The following LRRC7 variants were observed in gnomAD, a reference collection of about 807,000 sequenced individuals.
The protein encoded by LRRC7 is leucine rich repeat containing 7.
A neutral mutation model predicts 175.7 loss-of-function variants in LRRC7; 23 were observed. The ratio of observed to expected loss-of-function variants is 0.13; its 90% confidence interval spans 0.09 to 0.19. The LOEUF is 0.19. LRRC7 is among the 10% of genes least tolerant of loss of function. LRRC7 has a pLI of 1.00. For missense variants in LRRC7, 1,354 were observed against 1,904.7 expected (o/e 0.71, Z 5.38); for synonymous variants, 685 against 680.9 (o/e 1.01, Z -0.09).
At chr1:69,676,784 T>A (rs564017858) in intron 1 of LRRC7, among the ~76,000 whole-genome samples, 72 of 152,122 alleles carry the variant, frequency 4.7e-4, no homozygotes, top group Middle Eastern at 6.8e-3. Context: ...TTTTAAAAAA[T>A]TTTCTTATTT....
At chr1:69,816,280 G>A (rs561034804) in intron 4 of LRRC7, among the ~76,000 whole-genome samples, 16 of 152,148 alleles carry the variant, frequency 1.1e-4, no homozygotes, top group East Asian at 5.8e-4. Context: ...GCCCAGCCTC[G>A]GGGGCCATTT....
At chr1:69,903,605 A>G (rs1303137250) in intron 7 of LRRC7, among the ~76,000 whole-genome samples, 3 of 152,306 alleles carry the variant, frequency 2.0e-5, no homozygotes, top group East Asian at 3.9e-4. Flanking sequence ...GAACTAGAGA[A>G]GCAAGAGCAA....
At chr1:69,837,402 A>T (rs964715247) in intron 6 of LRRC7, among the ~76,000 whole-genome samples, 1 of 151,872 alleles carries the variant, frequency 6.6e-6, no homozygotes, top group African/African-American at 2.4e-5. Flanking sequence ...ACATTATCTA[A>T]TGTTCCAAAC....
chr1:70,099,094 C>T (rs1330064201), intron 25 of LRRC7, among the ~76,000 whole-genome samples: 3 of 147,128 alleles, frequency 2.0e-5, no homozygotes, highest in Admixed American at 6.8e-5. Context: ...CAAACCGAAT[C>T]CAGCAGCACA....
chr1:69,584,210 T>C (rs919248389), intron 1 of LRRC7, among the ~76,000 whole-genome samples: 1 of 152,142 alleles, frequency 6.6e-6, no homozygotes, highest in African/African-American at 2.4e-5. Flanking sequence ...AATTATTATT[T>C]CCTTAAAATT....
At chr1:69,932,968 A>G (rs1367879446) in intron 8 of LRRC7, among the ~76,000 whole-genome samples, 1 of 152,188 alleles carries the variant, frequency 6.6e-6, no homozygotes, top group East Asian at 1.9e-4. Flanking sequence ...CTCTAGGAGC[A>G]TTGGCCATCT....
chr1:69,951,561 G>T (rs1649932393), intron 8 of LRRC7, among the ~76,000 whole-genome samples: 1 of 151,910 alleles, frequency 6.6e-6, no homozygotes. Context: ...ATGACACACT[G>T]GATAAATAAA....
chr1:69,714,390 GAA>G (rs1164968516), intron 2 of LRRC7, among the ~76,000 whole-genome samples: 2 of 152,180 alleles, frequency 1.3e-5, no homozygotes, highest in Non-Finnish European at 2.9e-5. Flanking sequence ...AGCAGCTTAT[GAA>G]AAAGTTACAG....
At chr1:70,089,413 G>A (rs1663857384) in intron 24 of LRRC7, among the ~76,000 whole-genome samples, 1 of 152,082 alleles carries the variant, frequency 6.6e-6, no homozygotes, top group Admixed American at 6.6e-5. Context: ...ATAATGCATA[G>A]TATTTTAAGT....
At chr1:69,962,979 T>C (rs1269259530) in intron 8 of LRRC7, among the ~76,000 whole-genome samples, 1 of 151,748 alleles carries the variant, frequency 6.6e-6, no homozygotes, top group Non-Finnish European at 1.5e-5. Context: ...ACCCCGAACT[T>C]AAAATAAAAG....
At chr1:70,110,477 C>T (rs974520345) in intron 26 of LRRC7, among the ~76,000 whole-genome samples, 14 of 152,108 alleles carry the variant, frequency 9.2e-5, no homozygotes, top group Admixed American at 7.2e-4. Context: ...TATGTGGGGA[C>T]GTGAGGGTTA....
chr1:69,882,946 T>C (rs1173593617), intron 7 of LRRC7, among the ~76,000 whole-genome samples: 1 of 152,064 alleles, frequency 6.6e-6, no homozygotes, highest in Non-Finnish European at 1.5e-5. Context: ...CATGAACTTA[T>C]CATTTTTTAT....
intron 7 of LRRC7, among the ~76,000 whole-genome samples, chr1:69,903,683 C>T (rs1157134005): frequency 7.2e-5 from 11 of 151,984 alleles, no homozygotes; most frequent in Non-Finnish European, 8.8e-5. Flanking sequence ...GAGATAGAGA[C>T]ACAAAAAACC....
At chr1:69,859,772 G>C (rs894961035) in intron 7 of LRRC7, among the ~76,000 whole-genome samples, 4 of 151,902 alleles carry the variant, frequency 2.6e-5, no homozygotes, top group African/African-American at 7.2e-5. Flanking sequence ...GTGAAAAAAA[G>C]TTTCTCAAAA....
At chr1:70,102,089 A>G (rs1018841388) in intron 25 of LRRC7, among the ~76,000 whole-genome samples, 4 of 152,238 alleles carry the variant, frequency 2.6e-5, no homozygotes, top group Non-Finnish European at 4.4e-5. Context: ...AGATGCCACA[A>G]GCCACTAACT....
At chr1:70,011,674 TATA>T in intron 11 of LRRC7, 120 bp from the exon 12 acceptor site, 1 of 610,148 alleles carries the variant, frequency 1.6e-6, no homozygotes, top group South Asian at 2.1e-5. Context: ...TGGTAAATTA[TATA>T]ATATTATGTT....
At chr1:69,741,874 A>T (rs1447795915) in intron 2 of LRRC7, among the ~76,000 whole-genome samples, 1 of 152,008 alleles carries the variant, frequency 6.6e-6, no homozygotes, top group Non-Finnish European at 1.5e-5. Context: ...CAGAGCAGCA[A>T]GATACAAACG....
chr1:69,843,397 C>T (rs1426588085), intron 7 of LRRC7, among the ~76,000 whole-genome samples: 1 of 151,948 alleles, frequency 6.6e-6, no homozygotes, highest in Non-Finnish European at 1.5e-5. Flanking sequence ...GATTAGATTT[C>T]ATTATCATCT....
intron 8 of LRRC7, among the ~76,000 whole-genome samples, chr1:69,936,249 T>C (rs2101785175): frequency 6.6e-6 from 1 of 152,308 alleles, no homozygotes; most frequent in East Asian, 1.9e-4. Flanking sequence ...GCATTTAGAA[T>C]TAGTTGATCA....
Sources: gnomAD v4.1 joint callset for allele counts (sites outside exome capture counted in the v4.1 genomes callset) on GRCh38, gnomAD v4.1.1 for gene constraint, MANE v1.5 for transcripts, NCBI Gene and HGNC (gene_info 2026-07-23, HGNC 2026-07-21) for gene names.